The following FAT4 variants were observed in gnomAD, a reference collection of about 807,000 sequenced individuals.
FAT4 encodes FAT atypical cadherin 4.
A neutral mutation model predicts 303.9 loss-of-function variants in FAT4; 84 were observed. That is an observed-to-expected ratio of 0.28 (90% CI 0.23 to 0.33). The LOEUF (loss-of-function observed/expected upper bound fraction) is 0.33. FAT4 is among the 10% of genes least tolerant of loss of function. FAT4 has a pLI of 1.00. For synonymous variants in FAT4, 2,307 were observed against 2,298.8 expected (o/e 1.00, Z -0.10); for missense variants, 6,005 against 6,146.8 (o/e 0.98, Z 0.77).
At chr4:125,453,392 T>A (rs144699926) in intron 10 of FAT4, among the ~76,000 whole-genome samples, 1 of 152,166 alleles carries the variant, frequency 6.6e-6, no homozygotes, top group Non-Finnish European at 1.5e-5. Flanking sequence ...GCGAGAATCA[T>A]GTTTTCAGAT....
Position 125,416,581 on chromosome 4 carries a change from C to T in FAT4, c.6977C>T (p.Thr2326Ile), listed in dbSNP as rs200344386. 2.3e-4 allele frequency: 371 copies of T among 1,613,774 alleles called. No individual in the cohort carries two copies. The highest frequency in any genetic ancestry group is 3.0e-4 in the Non-Finnish European group (353 of 1,179,884). ...GTAACACAGAGTCTGGATCGGGAAACAAAAGAGCGCTTTGTCTTAATGATT... is the reference window on the plus strand; with the variant it reads ...GTAACACAGAGTCTGGATCGGGAAATAAAAGAGCGCTTTGTCTTAATGATT... ...LGVTQSLDRE[T>I]KERFVLMITA... Residue 2326 changes from threonine to isoleucine, a missense_variant, in exon 7 of 18, where the codon ACA (threonine) becomes ATA (isoleucine). Transcript: ENST00000394329.
chr4:125,343,205 C>A (rs1731864626), intron 2 of FAT4, among the ~76,000 whole-genome samples: 1 of 152,102 alleles, frequency 6.6e-6, no homozygotes, highest in Non-Finnish European at 1.5e-5. Flanking sequence ...TGAATCTGCT[C>A]TTGTCCATAA....
In FAT4 at chr4:125,491,482, G is replaced by A. The variant is rs35845544; in HGVS notation, c.14666G>A (p.Arg4889Lys). 767 of 1,614,162 alleles carry A rather than the reference G, an allele frequency of 4.8e-4. 1 individual carries two copies. In the African/African-American group the frequency reaches 8.4e-3, roughly 18 times the overall value. The change falls in exon 18 of 18, where the codon AGA becomes AAA. Residue 4889 changes from arginine to lysine, a missense_variant. Arg to Lys is a conservative substitution (Grantham distance 26, BLOSUM62 2). Transcript: ENST00000394329. ...GATGATGAAGATAATTATGGAGCCA[G>A]ACTGAAGCCTCGAAGGTACCACGGT... ...DADDEDNYGARLKPRRYHGRR... is the reference protein window; with the variant it reads ...DADDEDNYGAKLKPRRYHGRR...
chr4:125,490,972 C>G lies in FAT4; in HGVS notation c.14156C>G (p.Pro4719Arg), dbSNP rs1727613299. The change falls in exon 18 of 18, where the codon CCA becomes CGA. Residue 4719 changes from proline to arginine, a missense_variant. Transcript: ENST00000394329. ...TCTTCTACGTTCTATAGAAACAGCC[C>G]AGCAAGGGAATTGCATCTTCCTATA... ...SKSSTFYRNS[P>R]ARELHLPIRD... The G allele has an allele frequency of 6.2e-7, 1 of 1,614,078 alleles. No homozygotes were observed. Among genetic ancestry groups the G allele is most frequent in the South Asian group, 1.1e-5 (1 of 91,090 alleles).
chr4:125,318,327 G>C lies in FAT4; in HGVS notation c.1916G>C (p.Gly639Ala). 2 of 1,614,198 alleles carry C rather than the reference G, an allele frequency of 1.2e-6. No homozygotes were observed. The highest frequency in any genetic ancestry group is 1.7e-6 in the Non-Finnish European group (2 of 1,180,050). The change falls in exon 2 of 18, where the codon GGG becomes GCG. Residue 639 changes from glycine (G) to alanine (A), a missense_variant. Transcript: ENST00000394329. ...RRSFRLDPVS[G>A]RLSTISSLDR... ...TCCTTCCGTCTGGATCCTGTGTCTG[G>C]GAGGTTGAGTACTATTTCCTCCTTG... is the stretch of plus-strand genomic sequence containing the variant.
chr4:125,334,564 A>T (rs1731501758), intron 2 of FAT4, among the ~76,000 whole-genome samples: 1 of 152,168 alleles, frequency 6.6e-6, no homozygotes. Flanking sequence ...TTCTATTGTC[A>T]TGTTAATTTC....
In FAT4 at chr4:125,320,296, C is replaced by T; in HGVS notation, c.3885C>T (p.Leu1295=). The T allele has an allele frequency of 1.2e-6, 2 of 1,613,716 alleles. No individual in the cohort carries two copies. The highest frequency in any genetic ancestry group is 1.7e-6 in the Non-Finnish European group (2 of 1,179,654). Residue 1295 remains leucine (L), a synonymous_variant, in exon 2 of 18, where the codon CTC becomes CTT. Coordinates refer to ENST00000394329, the MANE Select transcript of FAT4 (RefSeq NM_001291303.3). The stretch of plus-strand genomic sequence containing the variant: ...CAGTGGATTCAGGGACAATCCCCCT[C>T]AATTCAACGTGTACTTTAAATATTG... The part of the protein sequence containing the change: ...IQAVDSGTIP[L]NSTCTLNIDI...
At chr4:125,324,711 AC>A (rs1731086603) in intron 2 of FAT4, among the ~76,000 whole-genome samples, 1 of 152,092 alleles carries the variant, frequency 6.6e-6, no homozygotes, top group Admixed American at 6.6e-5. Flanking sequence ...TAGTTCCCAA[AC>A]TTGCTACATT....
chr4:125,394,492 T>G (rs1734092353), intron 2 of FAT4, among the ~76,000 whole-genome samples: 2 of 152,206 alleles, frequency 1.3e-5, no homozygotes, highest in African/African-American at 4.8e-5. Context: ...AATAATATTG[T>G]AGACTTTTAA....
intron 14 of FAT4, among the ~76,000 whole-genome samples, chr4:125,478,786 C>T (rs992993937): frequency 4.6e-5 from 7 of 152,234 alleles, no homozygotes; most frequent in Admixed American, 3.9e-4. Context: ...CCTCAGCCTC[C>T]CAAAGTGCTG....
At chr4:125,479,980 TA>T in intron 15 of FAT4, 115 bp downstream of exon 15, 1 of 778,154 alleles carries the variant, frequency 1.3e-6, no homozygotes, top group South Asian at 5.6e-5. Context: ...AATATTAAAA[TA>T]TTAAATGGAC....
intron 2 of FAT4, among the ~76,000 whole-genome samples, chr4:125,368,220 G>A (rs1175174744): frequency 6.6e-6 from 1 of 151,942 alleles, no homozygotes; most frequent in Admixed American, 6.6e-5. Context: ...AGTACTGTGG[G>A]TTTATGGAAA....
At position 125,392,478 on chromosome 4, in the gene FAT4, T is replaced by C. The variant is rs547736778; in HGVS notation, c.5176-6306T>C. Among the ~76,000 whole-genome samples the C allele has an allele frequency of 4.6e-5, 7 of 152,320 alleles. No individual in the cohort carries two copies. In the East Asian group the frequency reaches 1.4e-3, roughly 29 times the overall value. On this transcript the variant is annotated intron_variant, in intron 2 of 17. Transcript: ENST00000394329. The stretch of plus-strand genomic sequence containing the variant: ...CCAACTATTTAAATGTAAGCCATTC[T>C]GAAAATGGGTATTTATATGTTGCAT...
rs747922151 is a variant in FAT4, at chr4:125,476,264, A to G, written c.12299+8A>G. On this transcript the variant is annotated splice_region_variant and intron_variant, in intron 13 of 17. Coordinates refer to ENST00000394329, the MANE Select transcript of FAT4 (RefSeq NM_001291303.3). ...GGCAGTTTCAGATGACTGGTAAGGAATAGGATTAGTTTAATTTTTATTATT... is the reference window on the plus strand; with the variant it reads ...GGCAGTTTCAGATGACTGGTAAGGAGTAGGATTAGTTTAATTTTTATTATT... 1 of 1,503,888 alleles carries G rather than the reference A, an allele frequency of 6.6e-7. No homozygotes were observed. 93.2% of individuals were successfully genotyped at this position (1,503,888 alleles called of 1,614,324 possible).
intron 2 of FAT4, among the ~76,000 whole-genome samples, chr4:125,324,195 A>G (rs913781940): frequency 6.6e-5 from 10 of 152,150 alleles, no homozygotes; most frequent in African/African-American, 2.2e-4. Flanking sequence ...AGTCTTGATT[A>G]TGTTAGAATA....
chr4:125,430,049 A>T (rs978013796), intron 7 of FAT4, among the ~76,000 whole-genome samples: 1 of 152,112 alleles, frequency 6.6e-6, no homozygotes, highest in Non-Finnish European at 1.5e-5. Flanking sequence ...ATTAGGAGAT[A>T]TACCTAATGT....
chr4:125,390,004 C>A (rs1733916708), intron 2 of FAT4, among the ~76,000 whole-genome samples: 2 of 152,040 alleles, frequency 1.3e-5, no homozygotes, highest in South Asian at 4.1e-4. Context: ...AAACATTTCA[C>A]CCAGACTTAT....
chr4:125,461,530 A>C (rs1450723587), intron 10 of FAT4, among the ~76,000 whole-genome samples: 1 of 152,002 alleles, frequency 6.6e-6, no homozygotes, highest in Non-Finnish European at 1.5e-5. Flanking sequence ...ACATGTTTTC[A>C]TGATAACAAG....
At chr4:125,453,142 A>C (rs1370649682) in intron 10 of FAT4, among the ~76,000 whole-genome samples, 1 of 152,150 alleles carries the variant, frequency 6.6e-6, no homozygotes, top group Non-Finnish European at 1.5e-5. Context: ...TAAATCCAGA[A>C]CTTAAGTGCT....
Sources: gnomAD v4.1 joint callset for allele counts (sites outside exome capture counted in the v4.1 genomes callset) on GRCh38, gnomAD v4.1.1 for gene constraint, MANE v1.5 for transcripts, NCBI Gene and HGNC (gene_info 2026-07-23, HGNC 2026-07-21) for gene names.